The following ARID2 variants were observed in gnomAD, a reference collection of about 807,000 sequenced individuals.
The protein encoded by ARID2 is AT-rich interaction domain 2.
ARID2 carries 32 observed loss-of-function variants against 184.6 expected under a neutral mutation model. The ratio of observed to expected loss-of-function variants is 0.17; its 90% CI spans 0.13 to 0.23. The LOEUF (loss-of-function observed/expected upper bound fraction) is 0.23, where lower values mean the gene tolerates loss of function less well. Among genes scored for constraint, ARID2 ranks in the 10% least tolerant of loss-of-function variants. The probability of loss-of-function intolerance (pLI) is 1.00; values close to 1 mark genes in which losing one functional copy is unlikely to be tolerated. For synonymous variants in ARID2, 836 were observed against 772.6 expected, an observed-to-expected ratio of 1.08 and a Z score of -1.36; for missense variants, 1,696 against 2,197.6, an observed-to-expected ratio of 0.77 and a Z score of 4.56.
At chr12:45,746,194 T>G (rs1354253911) in intron 3 of ARID2, among the ~76,000 whole-genome samples, 2 of 149,250 alleles carry the variant, frequency 1.3e-5, no homozygotes, top group Admixed American at 1.3e-4. Context: ...CACTGCAGCC[T>G]CAACCTTCTT....
rs750991219 is a variant in ARID2, at chr12:45,859,557, C to T, written c.4774-1244C>T. Among the ~76,000 whole-genome samples the T allele has an allele frequency of 2.0e-5, 3 of 152,060 alleles. No homozygotes were observed. In the East Asian group the frequency reaches 5.8e-4, roughly 29 times the overall value. On this transcript the variant is annotated intron_variant, in intron 15 of 20. Coordinates refer to ENST00000334344, the MANE Select transcript of ARID2 (RefSeq NM_152641.4). ...CAGTTCTTCAAAAATAATGTACTACCATTTCTATAAGAAATTTAACATTAA... is the reference window on the plus strand; with the variant it reads ...CAGTTCTTCAAAAATAATGTACTACTATTTCTATAAGAAATTTAACATTAA...
chr12:45,810,881 T>C (rs1027604530), intron 3 of ARID2, among the ~76,000 whole-genome samples: 4 of 152,220 alleles, frequency 2.6e-5, no homozygotes, highest in Non-Finnish European at 4.4e-5. Context: ...AATAGTGGTA[T>C]GGTCTTTTCT....
chr12:45,748,527 G>A (rs1159262313), intron 3 of ARID2, among the ~76,000 whole-genome samples: 4 of 147,594 alleles, frequency 2.7e-5, no homozygotes, highest in Middle Eastern at 6.9e-3. Flanking sequence ...TCAGGGTGGT[G>A]GTTACTGAAG....
intron 16 of ARID2, among the ~76,000 whole-genome samples, chr12:45,879,302 G>A (rs1944063099): frequency 6.6e-6 from 1 of 152,114 alleles, no homozygotes; most frequent in African/African-American, 2.4e-5. Context: ...TTTTTCATGA[G>A]ACAGACCTTT....
At chr12:45,746,336 CCTGGCCTCA>C (rs1199499063) in intron 3 of ARID2, among the ~76,000 whole-genome samples, 1 of 152,100 alleles carries the variant, frequency 6.6e-6, no homozygotes, top group Middle Eastern at 3.2e-3. Context: ...GTTTCCAACT[CCTGGCCTCA>C]AGTGATCCTC....
intron 3 of ARID2, among the ~76,000 whole-genome samples, chr12:45,802,186 C>T (rs759714240): frequency 7.3e-5 from 11 of 150,984 alleles, no homozygotes; most frequent in Middle Eastern, 3.4e-3. Context: ...CTTACCTCAT[C>T]CTTCCCAGTA....
intron 15 of ARID2, among the ~76,000 whole-genome samples, chr12:45,857,949 C>T (rs1943679229): frequency 6.6e-6 from 1 of 152,056 alleles, no homozygotes; most frequent in Non-Finnish European, 1.5e-5. Flanking sequence ...CTGTAGAGAC[C>T]AGGTTTTGCC....
chr12:45,783,234 C>G (rs923138763), intron 3 of ARID2, among the ~76,000 whole-genome samples: 2 of 151,790 alleles, frequency 1.3e-5, no homozygotes, highest in Admixed American at 6.6e-5. Flanking sequence ...AAAATCTGAC[C>G]AAGATTATGT....
intron 19 of ARID2, 39 bp from the exon 20 acceptor site, chr12:45,893,591 G>T (rs1335562733): frequency 6.2e-7 from 1 of 1,603,510 alleles, no homozygotes. Context: ...AGTCCTGTAT[G>T]ATTTAGATCT....
intron 6 of ARID2, among the ~76,000 whole-genome samples, chr12:45,832,295 C>T (rs1943136799): frequency 6.6e-6 from 1 of 152,090 alleles, no homozygotes; most frequent in Non-Finnish European, 1.5e-5. Context: ...ACTCTCACTA[C>T]TTTTAATATG....
chr12:45,846,728 T>C (rs1943448988), intron 11 of ARID2, 128 bp from the exon 12 acceptor site: 1 of 722,212 alleles, frequency 1.4e-6, no homozygotes, highest in Non-Finnish European at 2.3e-6. Context: ...TGTGTATACT[T>C]TCATATGTTT....
At chr12:45,815,645 G>T (rs1276368961) in intron 4 of ARID2, among the ~76,000 whole-genome samples, 3 of 151,864 alleles carry the variant, frequency 2.0e-5, no homozygotes, top group Admixed American at 6.6e-5. Context: ...AAAATATTCA[G>T]ATATTTCCGA....
intron 6 of ARID2, among the ~76,000 whole-genome samples, chr12:45,835,066 T>G (rs1459631835): frequency 1.3e-5 from 2 of 152,174 alleles, no homozygotes; most frequent in Non-Finnish European, 2.9e-5. Context: ...CTTTTGTCTC[T>G]TTATACTTCA....
At chr12:45,898,077 C>T (rs901044507) in intron 20 of ARID2, among the ~76,000 whole-genome samples, 7 of 151,906 alleles carry the variant, frequency 4.6e-5, no homozygotes, top group Non-Finnish European at 5.9e-5. Flanking sequence ...GGATTACAGG[C>T]GTGAGCTACT....
intron 4 of ARID2, among the ~76,000 whole-genome samples, chr12:45,815,812 C>T (rs1338044203): frequency 1.3e-5 from 2 of 152,058 alleles, no homozygotes; most frequent in African/African-American, 2.4e-5. Flanking sequence ...CAGCACACAC[C>T]ACCACAACTA....
At chr12:45,783,704 A>C (rs79904516) in intron 3 of ARID2, among the ~76,000 whole-genome samples, 2,149 of 152,348 alleles carry the variant, frequency 0.014, 56 homozygotes, top group African/African-American at 0.049. Context: ...GGTGGAGCGC[A>C]GTTTCGCTGG....
intron 16 of ARID2, among the ~76,000 whole-genome samples, chr12:45,889,490 T>C (rs776132947): frequency 6.6e-6 from 1 of 152,220 alleles, no homozygotes; most frequent in Non-Finnish European, 1.5e-5. Flanking sequence ...AACAGTTTTC[T>C]AGACATGACA....
chr12:45,786,520 G>A (rs1469233837), intron 3 of ARID2, among the ~76,000 whole-genome samples: 1 of 152,178 alleles, frequency 6.6e-6, no homozygotes. Flanking sequence ...GAGTAGTTGT[G>A]TAAGGAAAGG....
intron 6 of ARID2, among the ~76,000 whole-genome samples, chr12:45,830,085 C>T (rs992795819): frequency 3.4e-5 from 5 of 149,008 alleles, no homozygotes; most frequent in Non-Finnish European, 1.5e-5. Flanking sequence ...TATATAGAAA[C>T]AAAATATATA....
Sources: allele counts gnomAD v4.1 joint callset (sites outside exome capture counted in the v4.1 genomes callset), GRCh38; gene constraint gnomAD v4.1.1; transcripts MANE v1.5; gene names NCBI Gene and HGNC (gene_info 2026-07-23, HGNC 2026-07-21).